The following ATP1A1 variants were observed in gnomAD, a reference collection of about 807,000 sequenced individuals.
ATP1A1 encodes sodium/potassium-transporting ATPase subunit alpha-1.
A neutral mutation model predicts 114.8 loss-of-function variants in ATP1A1; 14 were observed. That is an observed-to-expected ratio of 0.12 (90% CI 0.08 to 0.19). The LOEUF (loss-of-function observed/expected upper bound fraction) is 0.19. Among genes scored for constraint, ATP1A1 ranks in the 10% least tolerant of loss-of-function variants. The pLI is 1.00. For synonymous variants in ATP1A1, 471 were observed against 466.3 expected (o/e 1.01, Z -0.13); for missense variants, 524 against 1,290.7 (o/e 0.41, Z 9.10).
At position 116,373,255 on chromosome 1, in the gene ATP1A1, G is replaced by A. The variant is rs1461117775; in HGVS notation, c.-257G>A. 1.4e-5 allele frequency: 5 copies of A among 363,328 alleles called. No homozygotes were observed. 22.5% of individuals were successfully genotyped at this position (363,328 alleles called of 1,614,324 possible). On this transcript the variant is annotated 5_prime_UTR_variant, in exon 1 of 23. Transcript: ENST00000295598. Reference sequence around the variant, plus strand: ...AGGAGGCGCGGGCTGGAGCTGCGGCGGGGTCTGGGGCGCAGAGCAGCGGCG... The same window carrying A: ...AGGAGGCGCGGGCTGGAGCTGCGGCAGGGTCTGGGGCGCAGAGCAGCGGCG...
chr1:116,388,055 T>C lies in ATP1A1; in HGVS notation c.388-76T>C, dbSNP rs1277453348. 2 of 957,616 alleles carry C rather than the reference T, an allele frequency of 2.1e-6. No individual in the cohort carries two copies. The highest frequency in any genetic ancestry group is 3.2e-6 in the Non-Finnish European group (2 of 617,588). 59.3% of individuals were successfully genotyped at this position (957,616 alleles called of 1,614,324 possible). On this transcript the variant is annotated intron_variant, in intron 4 of 22. Transcript: ENST00000295598. The surrounding 1 kb of genome is among the most constrained non-coding windows in gnomAD (Gnocchi z 5.6). ...TTCTCTATTAAAAATCTGTTTTTTA[T>C]TCAGTCAAAAAATTAATTGAATGTC...
rs1652584085 is a variant in ATP1A1 at position 116,392,905 on chromosome 1, C to G, written c.1384C>G (p.Leu462Val). The G allele has an allele frequency of 1.2e-6, 2 of 1,614,182 alleles. No individual in the cohort carries two copies. The highest frequency in any genetic ancestry group is 1.7e-6 in the Non-Finnish European group (2 of 1,180,046). Residue 462 changes from leucine to valine, a missense_variant, in exon 11 of 23, where the codon CTG becomes GTG. Coordinates refer to ENST00000295598, the MANE Select transcript of ATP1A1 (RefSeq NM_000701.8). ...GTCAGCACTCTTAAAGTGCATAGAGCTGTGCTGTGGTTCCGTGAAGGAGAT... is the reference window on the plus strand; with the variant it reads ...GTCAGCACTCTTAAAGTGCATAGAGGTGTGCTGTGGTTCCGTGAAGGAGAT... ...SESALLKCIE[L>V]CCGSVKEMRE...
Position 116,389,277 on chromosome 1 carries a change from T to G in ATP1A1, c.755-162T>G, listed in dbSNP as rs1268775968. ...CTGCTGTCCTGCTACTGGAGAGAAG[T>G]CCCTTTGCCAAACAGCATGTACAGC... On this transcript the variant is annotated intron_variant, in intron 7 of 22. Transcript: ENST00000295598. The surrounding 1 kb of genome is among the most constrained non-coding windows in gnomAD (Gnocchi z 6.9). 6.6e-6 allele frequency among the ~76,000 whole-genome samples: 1 copy of G among 152,102 alleles called. No homozygotes were observed. Among genetic ancestry groups the G allele is most frequent in the African/African-American group, 2.4e-5 (1 of 41,440 alleles).
At chr1:116,376,380 T>G (rs182074279) in intron 1 of ATP1A1, among the ~76,000 whole-genome samples, 1 of 152,348 alleles carries the variant, frequency 6.6e-6, no homozygotes, top group East Asian at 1.9e-4. Flanking sequence ...AAAGCTCCTC[T>G]GGCTGCTATA....
At chr1:116,376,781 CAAAACAAA>C (rs985826346) in intron 1 of ATP1A1, among the ~76,000 whole-genome samples, 8 of 150,872 alleles carry the variant, frequency 5.3e-5, no homozygotes, top group South Asian at 2.1e-4. Flanking sequence ...AAAAACAAAC[CAAAACAAA>C]AAAACAAAAA....
chr1:116,380,951 A>C (rs1008881131), intron 1 of ATP1A1, among the ~76,000 whole-genome samples: 1 of 151,858 alleles, frequency 6.6e-6, no homozygotes, highest in African/African-American at 2.4e-5. Context: ...CCATAACCCA[A>C]CTTCATTTTT....
At position 116,400,893 on chromosome 1, in the gene ATP1A1, T is replaced by G; in HGVS notation, c.2605T>G (p.Tyr869Asp). Residue 869 changes from tyrosine (Y) to aspartate (D), a missense_variant, in exon 19 of 23, where the codon TAC (tyrosine) becomes GAC (aspartate). By Grantham distance (160) the Tyr-to-Asp change is radical. Transcript: ENST00000295598. ...CCAGGCCCTGGGAGGCTTCTTTACT[T>G]ACTTTGTGATTCTGGCTGAGAACGG... ...MIQALGGFFT[Y>D]FVILAENGFL... The G allele has an allele frequency of 6.2e-7, 1 of 1,614,226 alleles. No homozygotes were observed. The highest frequency in any genetic ancestry group is 8.5e-7 in the Non-Finnish European group (1 of 1,180,042).
In ATP1A1 at chr1:116,404,048, C is replaced by T; in HGVS notation, c.3043+73C>T. 1 of 1,460,496 alleles carries T rather than the reference C, an allele frequency of 6.8e-7. No individual in the cohort carries two copies. The highest frequency in any genetic ancestry group is 9.5e-7 in the Non-Finnish European group (1 of 1,054,086). 90.5% of individuals were successfully genotyped at this position (1,460,496 alleles called of 1,614,324 possible). ...TATAGTTCTATTGGTTTTTTGTTTC[C>T]CTCAAGGTGTCTAGGCTCCCTCAGT... is the stretch of plus-strand genomic sequence containing the variant. On this transcript the variant is annotated intron_variant, in intron 22 of 22. Coordinates refer to ENST00000295598, the MANE Select transcript of ATP1A1 (RefSeq NM_000701.8). The surrounding 1 kb of genome is among the most constrained non-coding windows in gnomAD (Gnocchi z 4.8).
chr1:116,386,925 C>T (rs113689388), intron 3 of ATP1A1, among the ~76,000 whole-genome samples: 45 of 152,178 alleles, frequency 3.0e-4, no homozygotes, highest in African/African-American at 9.9e-4. Context: ...TCTTAATTTG[C>T]AAAACTGAAT....
chr1:116,402,260 G>A (rs7547948), intron 21 of ATP1A1, among the ~76,000 whole-genome samples: 12,763 of 152,180 alleles, frequency 0.084, 1,253 homozygotes, highest in African/African-American at 0.24. Flanking sequence ...CACAAACTCC[G>A]TTAGTTTTTT....
chr1:116,404,726 A>C lies in ATP1A1; in HGVS notation c.*282A>C. On this transcript the variant is annotated 3_prime_UTR_variant, in exon 23 of 23. Transcript: ENST00000295598. This position sits in a 1 kb window ranked among gnomAD's most constrained non-coding sequence, Gnocchi z 4.8. The stretch of plus-strand genomic sequence containing the variant: ...GAACACCCGGAAAGACTGAAAGAAT[A>C]CATTTTATATCTGGATTTTTACAAA... 1 of 1,230,046 alleles carries C rather than the reference A, an allele frequency of 8.1e-7. No individual in the cohort carries two copies. The highest frequency in any genetic ancestry group is 1.0e-6 in the Non-Finnish European group (1 of 987,730). The allele number at this position is 1,230,046 out of a possible 1,614,324, so 76.2% of individuals were successfully genotyped here.
In ATP1A1 at chr1:116,401,373, CTAGTTT is replaced by C. The variant is rs1653464940; in HGVS notation, c.2849+114_2849+119del. 1.1e-5 allele frequency: 17 copies of C among 1,553,196 alleles called. No individual in the cohort carries two copies. Among genetic ancestry groups the C allele is most frequent in the Non-Finnish European group, 1.5e-5 (17 of 1,144,150 alleles). ...ACATATAGCCAGGTTTCTGGAATCT[CTAGTTT>C]ATAGAGCAAATTTAGGAAGCAAGAA... On this transcript the variant is annotated intron_variant, in intron 20 of 22. Transcript: ENST00000295598. This position sits in a 1 kb window ranked among gnomAD's most constrained non-coding sequence, Gnocchi z 4.7.
rs1386601398 is a variant in ATP1A1, at chr1:116,385,183, A to G, written c.183+341A>G. On this transcript the variant is annotated intron_variant, in intron 3 of 22. Coordinates refer to ENST00000295598, the MANE Select transcript of ATP1A1 (RefSeq NM_000701.8). The surrounding 1 kb of genome is among the most constrained non-coding windows in gnomAD (Gnocchi z 4.3). ...CTTTATTTTTCTACATTTGTTAAAT[A>G]GAGTTGAATCTTTCACCTAGTTGAA... The G allele has an allele frequency of 3.7e-5, 10 of 273,066 alleles. No homozygotes were observed. Among genetic ancestry groups the G allele is most frequent in the Non-Finnish European group, 6.9e-5 (10 of 144,612 alleles). The allele number at this position is 273,066 out of a possible 1,614,324, so 16.9% of individuals were successfully genotyped here.
In ATP1A1 at chr1:116,399,673, G is replaced by C. The variant is rs748686358; in HGVS notation, c.2572+130G>C. ...TTTCAGGTCTAGGATGAGCCCTAAC[G>C]GAGTGAGCCTGTGGAGTTTCTCTGA... On this transcript the variant is annotated intron_variant, in intron 18 of 22. Transcript: ENST00000295598. This position sits in a 1 kb window ranked among gnomAD's most constrained non-coding sequence, Gnocchi z 5.0. The C allele has an allele frequency of 7.8e-7, 1 of 1,283,832 alleles. No homozygotes were observed. Among genetic ancestry groups the C allele is most frequent in the African/African-American group, 1.5e-5 (1 of 66,828 alleles). The allele number at this position is 1,283,832 out of a possible 1,614,324, so 79.5% of individuals were successfully genotyped here.
At chr1:116,391,805 A>AGC (rs1438094151) in intron 10 of ATP1A1, among the ~76,000 whole-genome samples, 1 of 152,182 alleles carries the variant, frequency 6.6e-6, no homozygotes, top group African/African-American at 2.4e-5. Context: ...CTAGGCTTTG[A>AGC]GCATCAGGTC....
Position 116,404,692 on chromosome 1 carries a change from G to A in ATP1A1, c.*248G>A. On this transcript the variant is annotated 3_prime_UTR_variant, in exon 23 of 23. Coordinates refer to ENST00000295598, the MANE Select transcript of ATP1A1 (RefSeq NM_000701.8). This position sits in a 1 kb window ranked among gnomAD's most constrained non-coding sequence, Gnocchi z 4.8. ...GGTTTTTATGTGCCTTTTTGTTTTT[G>A]TAAAAAAGGAACACCCGGAAAGACT... is the stretch of plus-strand genomic sequence containing the variant. 1 of 1,277,452 alleles carries A rather than the reference G, an allele frequency of 7.8e-7. No individual in the cohort carries two copies. The highest frequency in any genetic ancestry group is 9.8e-7 in the Non-Finnish European group (1 of 1,016,638). The allele number at this position is 1,277,452 out of a possible 1,614,324, so 79.1% of individuals were successfully genotyped here. A position where few individuals can be genotyped will look rare whatever the true frequency, so the allele number is the denominator to read the frequency against.
chr1:116,404,311 AC>A lies in ATP1A1; in HGVS notation c.3044-100del. 1 of 1,404,654 alleles carries A rather than the reference AC, an allele frequency of 7.1e-7. No individual in the cohort carries two copies. 87.0% of individuals were successfully genotyped at this position (1,404,654 alleles called of 1,614,324 possible). A position where few individuals can be genotyped will look rare whatever the true frequency, so the allele number is the denominator to read the frequency against. The stretch of plus-strand genomic sequence containing the variant: ...CCATGTTTGGATTTTAACACACCCG[AC>A]CCCCATCATCCTCCGGTTGGTTTTC... On this transcript the variant is annotated intron_variant, in intron 22 of 22. Transcript: ENST00000295598. The surrounding 1 kb of genome is among the most constrained non-coding windows in gnomAD (Gnocchi z 4.8).
rs1215274023 is a variant in ATP1A1 at position 116,384,866 on chromosome 1, T to C, written c.183+24T>C. The C allele has an allele frequency of 1.2e-6, 2 of 1,611,142 alleles. 1 individual carries two copies. The highest frequency in any genetic ancestry group is 2.2e-5 in the South Asian group (2 of 90,976). Reference sequence around the variant, plus strand: ...GGGTATGTTCTAGTTTGAAAGCTGTTGTACAAAATCCTAGTTTTCCGTATT... The same window carrying C: ...GGGTATGTTCTAGTTTGAAAGCTGTCGTACAAAATCCTAGTTTTCCGTATT... On this transcript the variant is annotated intron_variant, in intron 3 of 22. Transcript: ENST00000295598. This position sits in a 1 kb window ranked among gnomAD's most constrained non-coding sequence, Gnocchi z 5.1.
In ATP1A1 at chr1:116,399,835, T is replaced by G. The variant is rs1355336411; in HGVS notation, c.2572+292T>G. On this transcript the variant is annotated intron_variant, in intron 18 of 22. Coordinates refer to ENST00000295598, the MANE Select transcript of ATP1A1 (RefSeq NM_000701.8). The surrounding 1 kb of genome is among the most constrained non-coding windows in gnomAD (Gnocchi z 5.0). ...GAGGATGTCCTTCCTCACTGAGCCT[T>G]GCGGAACAGGAGGCATGGTTCTAAG... is the stretch of plus-strand genomic sequence containing the variant. Among the ~76,000 whole-genome samples the G allele has an allele frequency of 1.3e-5, 2 of 152,222 alleles. No individual in the cohort carries two copies. The highest frequency in any genetic ancestry group is 4.8e-5 in the African/African-American group (2 of 41,458).
Sources: gnomAD v4.1 joint callset for allele counts (sites outside exome capture counted in the v4.1 genomes callset) on GRCh38, gnomAD v4.1.1 for gene constraint, Gnocchi (gnomAD v3.1) non-coding constraint, MANE v1.5 for transcripts, NCBI Gene and HGNC (gene_info 2026-07-23, HGNC 2026-07-21) for gene names.